Variants in SGTB observed in about 807,000 individuals in gnomAD.
SGTB encodes the protein small glutamine-rich tetratricopeptide repeat-containing protein beta.
SGTB carries 19 observed loss-of-function variants against 43.9 expected under a neutral mutation model. The observed-to-expected ratio is 0.43, with a 90% CI of 0.30 to 0.63. The LOEUF (loss-of-function observed/expected upper bound fraction) is 0.63. SGTB is among the 30% of genes least tolerant of loss of function. SGTB has a pLI of 0.12. For missense variants in SGTB, 304 were observed against 358.9 expected (o/e 0.85, Z 1.24); for synonymous variants, 116 against 117.3 (o/e 0.99, Z 0.07).
chr5:65,691,432 AT>A (rs939220216), intron 5 of SGTB, among the ~76,000 whole-genome samples: 3 of 151,508 alleles, frequency 2.0e-5, no homozygotes, highest in Non-Finnish European at 4.4e-5. Context: ...TTATTTTATT[AT>A]TTTTTTTGAG....
At position 65,712,998 on chromosome 5, in the gene SGTB, T is replaced by C. The variant is rs899609083; in HGVS notation, c.167A>G (p.Gln56Arg). 1.1e-5 allele frequency: 18 copies of C among 1,613,852 alleles called. No homozygotes were observed. The highest frequency in any genetic ancestry group is 1.7e-5 in the Admixed American group (1 of 60,012). ...ACTGGTAAACATTTCTGTCAAAGGC[T>C]GTGAAACTGCTAGGTGTGTATCTTC... is the stretch of plus-strand genomic sequence containing the variant. ...SPEDTHLAVS[Q>R]PLTEMFTSSF... Residue 56 changes from glutamine to arginine, a missense_variant, in exon 3 of 11, where the codon CAG (glutamine) becomes CGG (arginine). By Grantham distance (43) the Gln-to-Arg change is conservative (BLOSUM62 1). Transcript: ENST00000381007.
intron 2 of SGTB, among the ~76,000 whole-genome samples, chr5:65,716,059 C>T (rs946473444): frequency 9.2e-5 from 14 of 152,184 alleles, no homozygotes; most frequent in African/African-American, 1.4e-4. Flanking sequence ...TGTGAGCCAC[C>T]GCACCCGGCC....
chr5:65,672,106 G>GT, intron 9 of SGTB, 108 bp from the exon 10 acceptor site: 1 of 1,564,958 alleles, frequency 6.4e-7, no homozygotes, highest in Non-Finnish European at 8.8e-7. Context: ...CAGAGGCTAG[G>GT]CCAAATGTGT....
At chr5:65,697,093 G>A (rs1757729308) in intron 5 of SGTB, among the ~76,000 whole-genome samples, 1 of 152,272 alleles carries the variant, frequency 6.6e-6, no homozygotes, top group South Asian at 2.1e-4. Flanking sequence ...GGCAGAGGTA[G>A]TTGGCAAGAT....
intron 1 of SGTB, 44 bp from the exon 2 acceptor site, chr5:65,720,873 A>C (rs1296084572): frequency 6.3e-7 from 1 of 1,577,206 alleles, no homozygotes; most frequent in Non-Finnish European, 8.6e-7. Context: ...TATTTTAAAG[A>C]ATCAGTCAGG....
At chr5:65,671,780 A>T in intron 10 of SGTB, 135 bp downstream of exon 10, 1 of 749,702 alleles carries the variant, frequency 1.3e-6, no homozygotes, top group Non-Finnish European at 2.1e-6. Context: ...TTTCAGATTT[A>T]GTAACATTAA....
intron 6 of SGTB, among the ~76,000 whole-genome samples, chr5:65,683,201 A>C (rs1025252335): frequency 3.3e-5 from 5 of 151,966 alleles, no homozygotes; most frequent in Admixed American, 2.6e-4. Flanking sequence ...AATCACAAAT[A>C]AAAGGCACAA....
intron 5 of SGTB, among the ~76,000 whole-genome samples, chr5:65,687,166 G>GTTCTAA (rs1377681434): frequency 6.6e-6 from 1 of 152,150 alleles, no homozygotes; most frequent in Non-Finnish European, 1.5e-5. Context: ...TAGGAGTTTA[G>GTTCTAA]TTCTAATTAA....
At chr5:65,710,326 G>GATTAT (rs1758020830) in intron 3 of SGTB, among the ~76,000 whole-genome samples, 2 of 152,232 alleles carry the variant, frequency 1.3e-5, no homozygotes, top group South Asian at 4.1e-4. Context: ...TTAAAAAATA[G>GATTAT]ATTATAATCT....
chr5:65,695,043 C>T (rs1415355211), intron 5 of SGTB, among the ~76,000 whole-genome samples: 2 of 152,020 alleles, frequency 1.3e-5, no homozygotes, highest in Admixed American at 1.3e-4. Flanking sequence ...TGAAAGCAAG[C>T]ATTAGATGAT....
intron 2 of SGTB, among the ~76,000 whole-genome samples, chr5:65,719,802 T>C (rs1387315253): frequency 1.3e-5 from 2 of 152,166 alleles, no homozygotes; most frequent in Non-Finnish European, 2.9e-5. Flanking sequence ...GATTACCGAA[T>C]CCAATATTAA....
intron 5 of SGTB, among the ~76,000 whole-genome samples, chr5:65,688,187 A>G (rs1757535217): frequency 6.6e-6 from 1 of 152,184 alleles, no homozygotes; most frequent in African/African-American, 2.4e-5. Flanking sequence ...AAATAATTTT[A>G]TTATATATAA....
Position 65,708,557 on chromosome 5 carries a change from T to C in SGTB, c.206A>G (p.Asn69Ser). The change falls in exon 4 of 11, where the codon AAT becomes AGT. Residue 69 changes from asparagine (N) to serine (S), a missense_variant and splice_region_variant. Asn to Ser is a conservative substitution (Grantham distance 46). Coordinates refer to ENST00000381007, the MANE Select transcript of SGTB (RefSeq NM_019072.3). The part of the protein sequence containing the change: ...TEMFTSSFCK[N>S]DVLPLSNSVP... ...TGAGTTTGAAAGGGGCAGAACGTCA[T>C]TCTGAAATTAAATAAAAATCAATGC... 1.2e-6 allele frequency: 2 copies of C among 1,611,760 alleles called. No individual in the cohort carries two copies. Among genetic ancestry groups the C allele is most frequent in the South Asian group, 1.1e-5 (1 of 90,540 alleles).
rs531424245 is a variant in SGTB at position 65,707,570 on chromosome 5, G to T, written c.274+919C>A. ...CTGCCTCATCCTTCTGAGTAGCTGG[G>T]ATTACAGGCACATACCACCATGCCC... is the stretch of plus-strand genomic sequence containing the variant. On this transcript the variant is annotated intron_variant, in intron 4 of 10. Transcript: ENST00000381007. 3.8e-4 allele frequency among the ~76,000 whole-genome samples: 58 copies of T among 151,910 alleles called. No individual in the cohort carries two copies. The South Asian group carries it at 0.012, about 32-fold the overall frequency.
chr5:65,713,051 G>A lies in SGTB; in HGVS notation c.114C>T (p.Cys38=). 1 of 1,609,366 alleles carries A rather than the reference G, an allele frequency of 6.2e-7. No individual in the cohort carries two copies. The highest frequency in any genetic ancestry group is 8.5e-7 in the Non-Finnish European group (1 of 1,178,408). The stretch of plus-strand genomic sequence containing the variant: ...GGCTGATCTTAAAAACTGTCTCCAA[G>A]CACTGAATTGCAACTTGAAATAAAT... ...EQESLEVAIQ[C]LETVFKISPE... is the part of the protein sequence containing the mutation. The change falls in exon 3 of 11, where the codon TGC becomes TGT. Residue 38 remains cysteine, a synonymous_variant. Coordinates refer to ENST00000381007, the MANE Select transcript of SGTB (RefSeq NM_019072.3).
intron 5 of SGTB, among the ~76,000 whole-genome samples, chr5:65,692,710 T>C (rs999251526): frequency 6.6e-6 from 1 of 152,146 alleles, no homozygotes; most frequent in East Asian, 1.9e-4. Context: ...TAAAAACACA[T>C]AGCTATAAAA....
At position 65,672,660 on chromosome 5, in the gene SGTB, A is replaced by G. The variant is rs754785; in HGVS notation, c.682-379T>C. On this transcript the variant is annotated intron_variant, in intron 8 of 10. Transcript: ENST00000381007. ...CTTTTAAGAGATGTGACTTTGCTCC[A>G]TGGGGCCCAGCAATTTCAATCCTTC... 8.4e-3 allele frequency among the ~76,000 whole-genome samples: 1,278 copies of G among 152,306 alleles called. 18 individuals carry two copies. The highest frequency in any genetic ancestry group is 0.03 in the African/African-American group (1,237 of 41,546).
rs1312629007 is a variant in SGTB at position 65,677,186 on chromosome 5, G to A, written c.681+3308C>T. On this transcript the variant is annotated intron_variant, in intron 8 of 10. Transcript: ENST00000381007. ...CAACCATCAAAGAATAGTATAAACAGTCCTATGCGCATAAACTAGAAATTT... is the reference window on the plus strand; with the variant it reads ...CAACCATCAAAGAATAGTATAAACAATCCTATGCGCATAAACTAGAAATTT... Among the ~76,000 whole-genome samples the A allele has an allele frequency of 2.6e-5, 4 of 151,896 alleles. No homozygotes were observed. The South Asian group carries it at 8.3e-4, about 32-fold the overall frequency.
At chr5:65,687,696 A>G (rs1231756539) in intron 5 of SGTB, among the ~76,000 whole-genome samples, 1 of 152,174 alleles carries the variant, frequency 6.6e-6, no homozygotes, top group Non-Finnish European at 1.5e-5. Flanking sequence ...AACAGTTCAG[A>G]GAGAGAAGTA....
Sources: gnomAD v4.1 joint callset for allele counts (sites outside exome capture counted in the v4.1 genomes callset) on GRCh38, gnomAD v4.1.1 for gene constraint, MANE v1.5 for transcripts, NCBI Gene and HGNC (gene_info 2026-07-23, HGNC 2026-07-21) for gene names.